Variants in RGS6 observed in about 807,000 individuals in gnomAD.
The protein encoded by RGS6 is regulator of G-protein signaling 6.
In RGS6, 30 loss-of-function variants were observed where a neutral mutation model predicts 78.5. The ratio of observed to expected loss-of-function variants is 0.38; its 90% CI spans 0.29 to 0.52. RGS6 has a LOEUF of 0.52. Among genes scored for constraint, RGS6 ranks in the 20% least tolerant of loss-of-function variants. The pLI is 0.85. For missense variants in RGS6, 495 were observed against 609.7 expected, an observed-to-expected ratio of 0.81 and a Z score of 1.98; for synonymous variants, 206 against 206.0, an observed-to-expected ratio of 1.00 and a Z score of 0.00.
chr14:72,217,541 G>GT (rs975355529), intron 2 of RGS6, among the ~76,000 whole-genome samples: 65 of 151,852 alleles, frequency 4.3e-4, no homozygotes, highest in African/African-American at 1.5e-3. Flanking sequence ...CTTTTTTATA[G>GT]TTTTTTTCTA....
intron 2 of RGS6, among the ~76,000 whole-genome samples, chr14:72,175,858 A>T (rs906799296): frequency 6.6e-6 from 1 of 152,128 alleles, no homozygotes; most frequent in East Asian, 1.9e-4. Flanking sequence ...GGGATTGAGG[A>T]AACTGACCTA....
chr14:72,409,895 A>G (rs2093273454), intron 3 of RGS6, among the ~76,000 whole-genome samples: 1 of 152,200 alleles, frequency 6.6e-6, no homozygotes, highest in African/African-American at 2.4e-5. Context: ...ACATGAACTC[A>G]TCCTTTTTTA....
At chr14:72,396,933 T>G (rs1023543377) in intron 3 of RGS6, among the ~76,000 whole-genome samples, 7 of 152,202 alleles carry the variant, frequency 4.6e-5, no homozygotes, top group Non-Finnish European at 7.3e-5. Context: ...TACCATGCTG[T>G]TTTGGTTACT....
At chr14:72,579,477 C>T in the RGS6 span, among the ~76,000 whole-genome samples, 3 of 152,162 alleles carry the variant, frequency 2.0e-5, no homozygotes, top group South Asian at 2.1e-4. Context: ...TATGGAAGAA[C>T]AGGAAGGGGA....
At chr14:72,423,378 C>T (rs1032349740) in intron 3 of RGS6, among the ~76,000 whole-genome samples, 2 of 151,918 alleles carry the variant, frequency 1.3e-5, no homozygotes, top group African/African-American at 4.8e-5. Flanking sequence ...TGTCTGGTCT[C>T]TAATTATAAG....
At position 71,936,030 on chromosome 14, in the gene RGS6, A is replaced by ATATATATACACATATATATATATATG. The variant is rs781759305; in HGVS notation, c.-21+3097_-21+3098insCACATATATATATATATGTATATATA. Among the ~76,000 whole-genome samples, 3 of 133,222 alleles carry ATATATATACACATATATATATATATG rather than the reference A, an allele frequency of 2.3e-5. No individual in the cohort carries two copies. The East Asian group carries it at 6.5e-4, about 29-fold the overall frequency. The allele number at this position is 133,222 out of a possible 152,430, so 87.4% of individuals were successfully genotyped here. ...GAACTAATAGGATATATATATATAT[A>ATATATATACACATATATATATATATG]TATATATATATGTACATATATATCA... is the stretch of plus-strand genomic sequence containing the variant. On this transcript the variant is annotated intron_variant, in intron 1 of 17. Coordinates refer to ENST00000553525, the MANE Select transcript of RGS6 (RefSeq NM_001204424.2).
intron 2 of RGS6, among the ~76,000 whole-genome samples, chr14:72,184,854 A>G (rs547371971): frequency 6.6e-6 from 1 of 152,334 alleles, no homozygotes; most frequent in East Asian, 1.9e-4. Flanking sequence ...CTCTAGAGGG[A>G]CAGGACTAAT....
the RGS6 span, among the ~76,000 whole-genome samples, chr14:72,583,878 G>A: frequency 6.6e-6 from 1 of 152,178 alleles, no homozygotes; most frequent in Admixed American, 6.5e-5. Context: ...ACTGGGTCCA[G>A]AGCTGTCTGC....
intron 2 of RGS6, among the ~76,000 whole-genome samples, chr14:72,230,322 T>G (rs573744346): frequency 3.9e-5 from 6 of 152,268 alleles, no homozygotes; most frequent in African/African-American, 1.2e-4. Context: ...GATGTTTATA[T>G]GTATGAGGTT....
chr14:72,212,697 C>T (rs2044470694), intron 2 of RGS6, among the ~76,000 whole-genome samples: 1 of 152,144 alleles, frequency 6.6e-6, no homozygotes, highest in Admixed American at 6.5e-5. Flanking sequence ...AGGAAATCCC[C>T]AAATCAGTAA....
At chr14:72,073,577 G>C (rs559152586) in intron 2 of RGS6, among the ~76,000 whole-genome samples, 1 of 152,152 alleles carries the variant, frequency 6.6e-6, no homozygotes, top group Non-Finnish European at 1.5e-5. Flanking sequence ...GCACACTCAC[G>C]CTCATCCACA....
chr14:72,397,475 T>C (rs550593318), intron 3 of RGS6, among the ~76,000 whole-genome samples: 21 of 151,974 alleles, frequency 1.4e-4, no homozygotes, highest in Non-Finnish European at 3.1e-4. Context: ...TTTCTAGATA[T>C]ACAATCATGT....
chr14:72,479,940 G>A (rs1158682187), intron 12 of RGS6, among the ~76,000 whole-genome samples: 5 of 152,174 alleles, frequency 3.3e-5, no homozygotes, highest in Admixed American at 6.5e-5. Context: ...GCCTTGGAAG[G>A]TGGAAGAGCT....
intron 2 of RGS6, among the ~76,000 whole-genome samples, chr14:72,001,972 A>G (rs2083549317): frequency 7.4e-6 from 1 of 134,732 alleles, no homozygotes; most frequent in African/African-American, 2.8e-5. Flanking sequence ...GTGCAATCTC[A>G]GCTCACTGCA....
intron 1 of RGS6, among the ~76,000 whole-genome samples, chr14:71,941,396 T>A (rs1359651499): frequency 1.3e-5 from 2 of 152,182 alleles, no homozygotes; most frequent in African/African-American, 2.4e-5. Context: ...ACGAAAGAAC[T>A]CCATTCTTAA....
intron 2 of RGS6, among the ~76,000 whole-genome samples, chr14:72,082,846 G>T (rs1229023786): frequency 6.6e-6 from 1 of 152,086 alleles, no homozygotes; most frequent in Non-Finnish European, 1.5e-5. Flanking sequence ...ATGCAATAGG[G>T]ATACTACATC....
At chr14:71,949,941 T>C (rs933594509) in intron 1 of RGS6, among the ~76,000 whole-genome samples, 3 of 152,198 alleles carry the variant, frequency 2.0e-5, no homozygotes, top group Non-Finnish European at 4.4e-5. Context: ...TCTCTTCATT[T>C]CTACTACTCT....
chr14:72,451,782 C>T (rs938942999), intron 3 of RGS6, among the ~76,000 whole-genome samples: 1 of 152,076 alleles, frequency 6.6e-6, no homozygotes, highest in African/African-American at 2.4e-5. Flanking sequence ...GAGACAGCGT[C>T]TCACTCTGTG....
intron 2 of RGS6, among the ~76,000 whole-genome samples, chr14:72,004,119 A>T (rs1566999084): frequency 6.6e-6 from 1 of 152,182 alleles, no homozygotes; most frequent in African/African-American, 2.4e-5. Context: ...GGCAACACAG[A>T]TTGGGAATGG....
Sources: allele counts gnomAD v4.1 joint callset (sites outside exome capture counted in the v4.1 genomes callset), GRCh38; gene constraint gnomAD v4.1.1; transcripts MANE v1.5; gene names NCBI Gene and HGNC (gene_info 2026-07-23, HGNC 2026-07-21).